The following CNTNAP5 variants were observed in gnomAD, a reference collection of about 807,000 sequenced individuals.
CNTNAP5 encodes contactin-associated protein-like 5.
In CNTNAP5, 72 loss-of-function variants were observed where a neutral mutation model predicts 150.2. That is an observed-to-expected ratio of 0.48 (90% CI 0.40 to 0.58). The LOEUF is 0.58. Ranked by LOEUF, CNTNAP5 falls within the 20% of genes least tolerant of loss-of-function variation. The pLI, the probability that CNTNAP5 is intolerant of heterozygous loss-of-function variation, is 0.00. For synonymous variants in CNTNAP5, 672 were observed against 619.8 expected (o/e 1.08, Z -1.25); for missense variants, 1,636 against 1,626.2 (o/e 1.01, Z -0.10).
At chr2:124,265,990 T>C (rs17722007) in intron 3 of CNTNAP5, among the ~76,000 whole-genome samples, 13,506 of 152,244 alleles carry the variant, frequency 0.089, 698 homozygotes, top group Non-Finnish European at 0.12. Flanking sequence ...CCAAAGCTTA[T>C]GAATTCAGCC....
intron 12 of CNTNAP5, among the ~76,000 whole-genome samples, chr2:124,610,354 T>G (rs1374880075): frequency 6.6e-6 from 1 of 152,186 alleles, no homozygotes; most frequent in East Asian, 1.9e-4. Flanking sequence ...CTATAGTTTC[T>G]CTGAGCTTTA....
In CNTNAP5 at chr2:124,864,546, GTCTC is replaced by G. The variant is rs374205214; in HGVS notation, c.3218-750_3218-747del. ...GCTAATATTCTCTCTCTCTCTCTCT[GTCTC>G]TCTCTCTCTGTCTCTCTGTGTCTCA... On this transcript the variant is annotated intron_variant, in intron 19 of 23. Coordinates refer to ENST00000682447, the MANE Select transcript of CNTNAP5 (RefSeq NM_001367498.1). 1.4e-4 allele frequency among the ~76,000 whole-genome samples: 19 copies of G among 134,014 alleles called. No homozygotes were observed. In the East Asian group the frequency reaches 4.2e-3, roughly 30 times the overall value. The allele number at this position is 134,014 out of a possible 152,430, so 87.9% of individuals were successfully genotyped here. A position where few individuals can be genotyped will look rare whatever the true frequency, so the allele number is the denominator to read the frequency against.
intron 3 of CNTNAP5, among the ~76,000 whole-genome samples, chr2:124,405,445 G>C (rs2104762854): frequency 6.6e-6 from 1 of 152,250 alleles, no homozygotes; most frequent in African/African-American, 2.4e-5. Flanking sequence ...GCAGAAACCG[G>C]ACTCCACTTA....
intron 1 of CNTNAP5, among the ~76,000 whole-genome samples, chr2:124,206,531 A>G (rs1329802231): frequency 6.6e-6 from 1 of 152,128 alleles, no homozygotes; most frequent in Non-Finnish European, 1.5e-5. Flanking sequence ...TGCTATCACA[A>G]GGGTTAGGTT....
At chr2:124,642,144 G>A (rs2105021154) in intron 12 of CNTNAP5, among the ~76,000 whole-genome samples, 1 of 152,286 alleles carries the variant, frequency 6.6e-6, no homozygotes, top group East Asian at 1.9e-4. Context: ...CACTAGTGAA[G>A]GCTGTCTGGG....
chr2:124,348,359 T>C (rs1358162728), intron 3 of CNTNAP5, among the ~76,000 whole-genome samples: 1 of 152,172 alleles, frequency 6.6e-6, no homozygotes, highest in Non-Finnish European at 1.5e-5. Context: ...CAGTATAATG[T>C]TGAATAAAAG....
At chr2:124,275,859 G>A (rs544988326) in intron 3 of CNTNAP5, among the ~76,000 whole-genome samples, 1 of 152,202 alleles carries the variant, frequency 6.6e-6, no homozygotes, top group Non-Finnish European at 1.5e-5. Flanking sequence ...CCTCCCAAGT[G>A]ACCCAATGAG....
At chr2:124,311,200 T>G (rs2104657426) in intron 3 of CNTNAP5, among the ~76,000 whole-genome samples, 1 of 152,328 alleles carries the variant, frequency 6.6e-6, no homozygotes, top group Admixed American at 6.5e-5. Context: ...CTGCCTGTAT[T>G]AATCCACTAG....
rs370500496 is a variant in CNTNAP5 at position 124,417,438 on chromosome 2, T to C, written c.382-5T>C. On this transcript the variant is annotated splice_region_variant and splice_polypyrimidine_tract_variant and intron_variant, in intron 3 of 23. Transcript: ENST00000682447. Reference sequence around the variant, plus strand: ...ACCTCACTGCCTCTCCTTTCTTCTCTGCAGACCTTTGCAGGAAACATGAAT... The same window carrying C: ...ACCTCACTGCCTCTCCTTTCTTCTCCGCAGACCTTTGCAGGAAACATGAAT... 5.0e-6 allele frequency: 8 copies of C among 1,613,578 alleles called. No homozygotes were observed. The African/African-American group carries it at 9.3e-5, about 19-fold the overall frequency.
intron 1 of CNTNAP5, among the ~76,000 whole-genome samples, chr2:124,184,772 G>A (rs769894427): frequency 1.3e-5 from 2 of 152,130 alleles, no homozygotes; most frequent in Non-Finnish European, 2.9e-5. Context: ...TGGATATTCT[G>A]GAACAAATAG....
intron 7 of CNTNAP5, among the ~76,000 whole-genome samples, chr2:124,478,664 A>G (rs935438713): frequency 6.6e-6 from 1 of 152,114 alleles, no homozygotes; most frequent in South Asian, 2.1e-4. Flanking sequence ...TCCCCCAAAG[A>G]CACCATATCT....
intron 10 of CNTNAP5, among the ~76,000 whole-genome samples, chr2:124,536,574 A>G (rs1283643432): frequency 1.3e-5 from 2 of 152,194 alleles, no homozygotes; most frequent in Non-Finnish European, 2.9e-5. Context: ...TGCCAAGGTC[A>G]TATCTTAGTA....
intron 1 of CNTNAP5, among the ~76,000 whole-genome samples, chr2:124,146,883 T>C (rs549368869): frequency 6.6e-6 from 1 of 152,316 alleles, no homozygotes; most frequent in South Asian, 2.1e-4. Context: ...TCAGCTTCTC[T>C]TATGGCCAGA....
chr2:124,554,055 A>G (rs1014254076), intron 10 of CNTNAP5, among the ~76,000 whole-genome samples: 3 of 152,108 alleles, frequency 2.0e-5, no homozygotes, highest in Admixed American at 6.5e-5. Context: ...GTGATGTCGA[A>G]TTTCTTAAAA....
intron 13 of CNTNAP5, among the ~76,000 whole-genome samples, chr2:124,732,624 T>A (rs1680295379): frequency 6.6e-6 from 1 of 152,140 alleles, no homozygotes; most frequent in Non-Finnish European, 1.5e-5. Context: ...GACATCAATT[T>A]CTGTTGTTTA....
At chr2:124,354,098 G>C (rs1415284108) in intron 3 of CNTNAP5, among the ~76,000 whole-genome samples, 3 of 152,154 alleles carry the variant, frequency 2.0e-5, no homozygotes, top group Non-Finnish European at 2.9e-5. Flanking sequence ...AAGAGAAAGA[G>C]ACGCTATGTT....
chr2:124,628,154 C>T (rs1003676070), intron 12 of CNTNAP5, among the ~76,000 whole-genome samples: 11 of 152,150 alleles, frequency 7.2e-5, no homozygotes, highest in African/African-American at 2.7e-4. Flanking sequence ...AGTGTATCAT[C>T]CGGGAGGACT....
At chr2:124,569,999 C>T (rs1164412511) in intron 11 of CNTNAP5, among the ~76,000 whole-genome samples, 1 of 152,120 alleles carries the variant, frequency 6.6e-6, no homozygotes, top group East Asian at 1.9e-4. Flanking sequence ...ACATTCAAGG[C>T]TTTGGTGGCA....
intron 14 of CNTNAP5, among the ~76,000 whole-genome samples, chr2:124,760,332 T>C (rs1443264482): frequency 1.2e-4 from 19 of 152,026 alleles, no homozygotes; most frequent in African/African-American, 2.4e-5. Context: ...AAAAACCCAC[T>C]GTAATTTTTA....
Sources: allele counts gnomAD v4.1 joint callset (sites outside exome capture counted in the v4.1 genomes callset), GRCh38; gene constraint gnomAD v4.1.1; transcripts MANE v1.5; gene names NCBI Gene and HGNC (gene_info 2026-07-23, HGNC 2026-07-21).